NBEA: variants seen among roughly 807,000 people sequenced by gnomAD.
The protein encoded by NBEA is lysosomal-trafficking regulator 2.
NBEA carries 44 observed loss-of-function variants against 343.4 expected under a neutral mutation model. The observed-to-expected ratio is 0.13, with a 90% CI of 0.10 to 0.16. The LOEUF (loss-of-function observed/expected upper bound fraction) is 0.16, where lower values mean the gene tolerates loss of function less well. Ranked by LOEUF, NBEA falls within the 10% of genes least tolerant of loss-of-function variation. The probability of loss-of-function intolerance (pLI) is 1.00; values close to 1 mark genes in which losing one functional copy is unlikely to be tolerated. For synonymous variants in NBEA, 1,175 were observed against 1,238.7 expected, an observed-to-expected ratio of 0.95 and a Z score of 1.08; for missense variants, 2,555 against 3,631.3, an observed-to-expected ratio of 0.70 and a Z score of 7.62.
At chr13:35,380,825 A>T (rs1240982201) in intron 38 of NBEA, among the ~76,000 whole-genome samples, 2 of 152,126 alleles carry the variant, frequency 1.3e-5, no homozygotes, top group Admixed American at 6.6e-5. Flanking sequence ...TGATAATGAG[A>T]ATCCTTGTCT....
chr13:35,649,214 A>G (rs2084395197), intron 51 of NBEA, among the ~76,000 whole-genome samples: 4 of 152,196 alleles, frequency 2.6e-5, no homozygotes, highest in Admixed American at 6.5e-5. Context: ...ATGACCCCAG[A>G]TCAACCAGAT....
At chr13:35,321,579 AC>A (rs2038146516) in intron 36 of NBEA, among the ~76,000 whole-genome samples, 1 of 151,974 alleles carries the variant, frequency 6.6e-6, no homozygotes, top group South Asian at 2.1e-4. Flanking sequence ...GTGGTCAGGG[AC>A]CCACATGAGG....
At chr13:35,641,572 G>A (rs7985429) in intron 49 of NBEA, among the ~76,000 whole-genome samples, 71,077 of 151,914 alleles carry the variant, frequency 0.47, 17,101 homozygotes, top group East Asian at 0.56. Flanking sequence ...GCAGAAACAG[G>A]AAATATGTAG....
At chr13:35,160,833 A>G (rs373187660) in intron 22 of NBEA, among the ~76,000 whole-genome samples, 27 of 152,160 alleles carry the variant, frequency 1.8e-4, no homozygotes, top group African/African-American at 6.5e-4. Flanking sequence ...GATAAATAAT[A>G]CCTTATGGTT....
chr13:35,362,959 T>G (rs771505167), intron 38 of NBEA, among the ~76,000 whole-genome samples: 50 of 150,730 alleles, frequency 3.3e-4, no homozygotes, highest in Admixed American at 4.6e-4. Context: ...AATTATATGC[T>G]TTTTCAGCAA....
chr13:34,961,724 A>G (rs2059668561), intron 1 of NBEA, among the ~76,000 whole-genome samples: 1 of 152,062 alleles, frequency 6.6e-6, no homozygotes, highest in Non-Finnish European at 1.5e-5. Flanking sequence ...ATAGAAATCA[A>G]TTAGGGTATT....
At chr13:35,495,819 A>T (rs1264366025) in intron 41 of NBEA, among the ~76,000 whole-genome samples, 1 of 152,098 alleles carries the variant, frequency 6.6e-6, no homozygotes, top group Non-Finnish European at 1.5e-5. Flanking sequence ...ACACAATGGA[A>T]TTAAAAATCT....
intron 56 of NBEA, among the ~76,000 whole-genome samples, chr13:35,666,871 G>A (rs2085379558): frequency 1.3e-5 from 2 of 152,122 alleles, no homozygotes; most frequent in Admixed American, 1.3e-4. Context: ...AAATACTTAA[G>A]TTTTCTCAAT....
chr13:35,476,487 G>A, intron 41 of NBEA: 3 of 734,746 alleles, frequency 4.1e-6, no homozygotes, highest in South Asian at 3.5e-5. Flanking sequence ...ACCTTCTCAG[G>A]AATAAAAAAC....
intron 41 of NBEA, among the ~76,000 whole-genome samples, chr13:35,500,383 A>G (rs1286364251): frequency 6.6e-6 from 1 of 152,116 alleles, no homozygotes; most frequent in Non-Finnish European, 1.5e-5. Context: ...AGGCTGCAGG[A>G]TGGGACAGAC....
At chr13:35,520,061 A>T (rs1193913444) in intron 41 of NBEA, among the ~76,000 whole-genome samples, 1 of 152,068 alleles carries the variant, frequency 6.6e-6, no homozygotes, top group African/African-American at 2.4e-5. Flanking sequence ...GGATGGTTTC[A>T]GGATGAAACT....
chr13:35,508,815 G>A (rs2077166481), intron 41 of NBEA, among the ~76,000 whole-genome samples: 1 of 152,116 alleles, frequency 6.6e-6, no homozygotes, highest in Admixed American at 6.6e-5. Flanking sequence ...AAATCTGTGA[G>A]GTAAATCTGT....
intron 41 of NBEA, among the ~76,000 whole-genome samples, chr13:35,529,384 C>G (rs2078143771): frequency 1.3e-5 from 2 of 152,172 alleles, no homozygotes; most frequent in Admixed American, 6.5e-5. Context: ...TTTAAGTACA[C>G]TATGCACTTG....
rs145049249 is a variant in NBEA, at chr13:35,058,602, C to A, written c.1093-115C>A. ...ATAATAAAGTCTTAATTGATGCTTT[C>A]TTCTATTATTATTGTTATATTTTAA... On this transcript the variant is annotated intron_variant, in intron 7 of 58. Transcript: ENST00000379939. 1,504 of 833,716 alleles carry A rather than the reference C, an allele frequency of 1.8e-3. 21 individuals are homozygous for A. In the African/African-American group the frequency reaches 0.023, roughly 13 times the overall value. 51.6% of individuals were successfully genotyped at this position (833,716 alleles called of 1,614,324 possible).
At chr13:35,332,634 T>C (rs1390290988) in intron 36 of NBEA, among the ~76,000 whole-genome samples, 2 of 152,116 alleles carry the variant, frequency 1.3e-5, no homozygotes, top group Non-Finnish European at 2.9e-5. Context: ...AAATTTAACT[T>C]TGGATAACAC....
intron 11 of NBEA, among the ~76,000 whole-genome samples, chr13:35,102,827 T>TG (rs1338724977): frequency 1.3e-5 from 2 of 151,774 alleles, no homozygotes; most frequent in East Asian, 1.9e-4. Flanking sequence ...CATTGGAGAA[T>TG]GATAGTTTTG....
intron 34 of NBEA, among the ~76,000 whole-genome samples, chr13:35,248,196 C>T (rs1023788738): frequency 6.6e-6 from 1 of 151,982 alleles, no homozygotes; most frequent in Non-Finnish European, 1.5e-5. Flanking sequence ...AATATTAATG[C>T]AAAAATCTTC....
chr13:35,128,517 T>C (rs1044605534), intron 17 of NBEA, among the ~76,000 whole-genome samples: 4 of 152,126 alleles, frequency 2.6e-5, no homozygotes, highest in African/African-American at 7.2e-5. Context: ...GTAGGAAGAT[T>C]GGAGTGCTAT....
chr13:35,117,201 T>G (rs1416887740), intron 13 of NBEA, among the ~76,000 whole-genome samples: 1 of 151,756 alleles, frequency 6.6e-6, no homozygotes, highest in East Asian at 1.9e-4. Context: ...TTCCACAAAA[T>G]CAGACATTCA....
Sources: gnomAD v4.1 joint callset for allele counts (sites outside exome capture counted in the v4.1 genomes callset) on GRCh38, gnomAD v4.1.1 for gene constraint, MANE v1.5 for transcripts, NCBI Gene and HGNC (gene_info 2026-07-23, HGNC 2026-07-21) for gene names.